SF3B4: variants seen among roughly 807,000 people sequenced by gnomAD.
SF3B4 encodes the protein SAP 49.
Under a neutral mutation model 34.3 loss-of-function variants are expected in SF3B4, and 3 were observed. The ratio of observed to expected loss-of-function variants is 0.09; its 90% CI spans 0.04 to 0.23. The LOEUF (loss-of-function observed/expected upper bound fraction) is 0.23. SF3B4 is among the 10% of genes least tolerant of loss of function. The pLI, the probability that SF3B4 is intolerant of heterozygous loss-of-function variation, is 1.00. For synonymous variants in SF3B4, 216 were observed against 207.8 expected (o/e 1.04, Z -0.34); for missense variants, 283 against 567.2 (o/e 0.50, Z 5.09).
rs199754113 is a variant in SF3B4 at position 149,927,784 on chromosome 1, C to T, written c.-25G>A. ...TGGCGAAAGAGATCCCGCCGTCTCCCAGCAGCGGTTCCGCCTTCTGACCTC... is the reference window on the plus strand; with the variant it reads ...TGGCGAAAGAGATCCCGCCGTCTCCTAGCAGCGGTTCCGCCTTCTGACCTC... On this transcript the variant is annotated 5_prime_UTR_variant, in exon 1 of 6. Coordinates refer to ENST00000271628, the MANE Select transcript of SF3B4 (RefSeq NM_005850.5). 536 of 1,552,076 alleles carry T rather than the reference C, an allele frequency of 3.5e-4. 2 individuals are homozygous for T. In the African/African-American group the frequency reaches 4.4e-3, roughly 13 times the overall value.
rs1559798668 is a variant in SF3B4, at chr1:149,926,311, T to C, written c.706+65A>G. ...TCCCCTGTCCCCCTTTCAGACTTGT[T>C]TTCTTCTTCCTCCTGACCCTCTCCC... On this transcript the variant is annotated intron_variant, in intron 3 of 5. Coordinates refer to ENST00000271628, the MANE Select transcript of SF3B4 (RefSeq NM_005850.5). The surrounding 1 kb of genome is among the most constrained non-coding windows in gnomAD (Gnocchi z 6.2). 8 of 1,441,024 alleles carry C rather than the reference T, an allele frequency of 5.6e-6. No homozygotes were observed. Among genetic ancestry groups the C allele is most frequent in the Non-Finnish European group, 7.6e-6 (8 of 1,058,672 alleles). The allele number at this position is 1,441,024 out of a possible 1,614,324, so 89.3% of individuals were successfully genotyped here. A position where few individuals can be genotyped will look rare whatever the true frequency, so the allele number is the denominator to read the frequency against.
Position 149,926,288 on chromosome 1 carries a change from C to T in SF3B4, c.706+88G>A, listed in dbSNP as rs12082922. On this transcript the variant is annotated intron_variant, in intron 3 of 5. Transcript: ENST00000271628. This position sits in a 1 kb window ranked among gnomAD's most constrained non-coding sequence, Gnocchi z 6.2. The stretch of plus-strand genomic sequence containing the variant: ...CCCATCAACTCACTGACTCAATGTC[C>T]CCTGTCCCCCTTTCAGACTTGTTTT... 1.1e-3 allele frequency: 1,254 copies of T among 1,191,264 alleles called. 17 individuals carry two copies. In the African/African-American group the frequency reaches 0.017, roughly 16 times the overall value. 73.8% of individuals were successfully genotyped at this position (1,191,264 alleles called of 1,614,324 possible). A position where few individuals can be genotyped will look rare whatever the true frequency, so the allele number is the denominator to read the frequency against.
At position 149,925,886 on chromosome 1, in the gene SF3B4, T is replaced by C. The variant is rs782151742; in HGVS notation, c.863A>G (p.His288Arg). 50 of 1,608,562 alleles carry C rather than the reference T, an allele frequency of 3.1e-5. No homozygotes were observed. The highest frequency in any genetic ancestry group is 4.2e-5 in the Non-Finnish European group (50 of 1,176,556). ...GAATGGGTGAGGATGTGAGTGTCCA[T>C]GACCAGGATGTCCTGCCCCTGGGGT... ...AGTPGAGHPGHGHSHPHPFPP... is the reference protein window; with the variant it reads ...AGTPGAGHPGRGHSHPHPFPP... The change falls in exon 4 of 6, where the codon CAT (histidine) becomes CGT (arginine). Residue 288 changes from histidine to arginine, a missense_variant. His to Arg is a conservative substitution (Grantham distance 29, BLOSUM62 0). Coordinates refer to ENST00000271628, the MANE Select transcript of SF3B4 (RefSeq NM_005850.5).
In SF3B4 at chr1:149,925,858, T is replaced by A; in HGVS notation, c.891A>T (p.Pro297=). ...GHGHSHPHPF[P]PGGMPHPGMS... is the part of the protein sequence containing the mutation. Reference sequence around the variant, plus strand: ...TACCTGGATGGGGCATCCCACCCGGTGGGAATGGGTGAGGATGTGAGTGTC... The same window carrying A: ...TACCTGGATGGGGCATCCCACCCGGAGGGAATGGGTGAGGATGTGAGTGTC... Residue 297 remains proline (P), a synonymous_variant, in exon 4 of 6, where the codon CCA becomes CCT. Transcript: ENST00000271628. 6.2e-7 allele frequency: 1 copy of A among 1,613,346 alleles called. No individual in the cohort carries two copies. Among genetic ancestry groups the A allele is most frequent in the Non-Finnish European group, 8.5e-7 (1 of 1,179,620 alleles).
In SF3B4 at chr1:149,926,391, C is replaced by G; in HGVS notation, c.691G>C (p.Gly231Arg). 6.2e-7 allele frequency: 1 copy of G among 1,606,828 alleles called. No homozygotes were observed. Among genetic ancestry groups the G allele is most frequent in the Non-Finnish European group, 8.5e-7 (1 of 1,174,268 alleles). The change falls in exon 3 of 6, where the codon GGG becomes CGG. Residue 231 changes from glycine (G) to arginine (R), a missense_variant. Coordinates refer to ENST00000271628, the MANE Select transcript of SF3B4 (RefSeq NM_005850.5). The surrounding 1 kb of genome is among the most constrained non-coding windows in gnomAD (Gnocchi z 6.2). The part of the protein sequence containing the change: ...PNPVVSSLGS[G>R]LPPPGMPPPG... The stretch of plus-strand genomic sequence containing the variant: ...AAAGCTTTACCTGGTGGAGGAAGCC[C>G]AGACCCCAATGATGATACCACAGGA...
chr1:149,923,674 G>C lies in SF3B4; in HGVS notation c.1143C>G (p.Pro381=). The stretch of plus-strand genomic sequence containing the variant: ...GTGGAGGGCCAGTGTATCCATGGGG[G>C]GGCATCAGTGGAGGAGGTCCACGCA... ...HGMRGPPPLM[P]PHGYTGPPRP... Residue 381 remains proline, a synonymous_variant, in exon 6 of 6, where the codon CCC becomes CCG. Transcript: ENST00000271628. 6.6e-7 allele frequency: 1 copy of C among 1,526,248 alleles called. No homozygotes were observed. Among genetic ancestry groups the C allele is most frequent in the Non-Finnish European group, 8.7e-7 (1 of 1,148,152 alleles). The allele number at this position is 1,526,248 out of a possible 1,614,324, so 94.5% of individuals were successfully genotyped here.
At chr1:149,925,392 T>G (rs2092583241) in intron 4 of SF3B4, among the ~76,000 whole-genome samples, 1 of 151,862 alleles carries the variant, frequency 6.6e-6, no homozygotes. Context: ...CAAGTAGACA[T>G]GAGTCTATCA....
intron 1 of SF3B4, 60 bp downstream of exon 1, chr1:149,927,666 G>A: frequency 6.5e-7 from 1 of 1,540,824 alleles, no homozygotes; most frequent in Non-Finnish European, 8.8e-7. Flanking sequence ...GACACTGCTG[G>A]CTGTAGTCGG....
In SF3B4 at chr1:149,926,268, C is replaced by G; in HGVS notation, c.706+108G>C. On this transcript the variant is annotated intron_variant, in intron 3 of 5. Coordinates refer to ENST00000271628, the MANE Select transcript of SF3B4 (RefSeq NM_005850.5). This position sits in a 1 kb window ranked among gnomAD's most constrained non-coding sequence, Gnocchi z 6.2. ...CATCACCCCTCAGTCCTCTTCCCAT[C>G]AACTCACTGACTCAATGTCCCCTGT... The G allele has an allele frequency of 9.9e-7, 1 of 1,014,100 alleles. No homozygotes were observed. The highest frequency in any genetic ancestry group is 1.4e-6 in the Non-Finnish European group (1 of 692,928). 62.8% of individuals were successfully genotyped at this position (1,014,100 alleles called of 1,614,324 possible).
rs373010695 is a variant in SF3B4, at chr1:149,927,717, T to C, written c.34+9A>G. On this transcript the variant is annotated intron_variant, in intron 1 of 5. Coordinates refer to ENST00000271628, the MANE Select transcript of SF3B4 (RefSeq NM_005850.5). ...CTGAGCCCATTCCAGACTTTCCCCC[T>C]CCAGTTACCCTGATTCCGCTCGGAG... 66 of 1,552,714 alleles carry C rather than the reference T, an allele frequency of 4.3e-5. No individual in the cohort carries two copies. The African/African-American group carries it at 8.5e-4, about 20-fold the overall frequency.
Position 149,923,605 on chromosome 1 carries a change from G to C in SF3B4, c.1212C>G (p.Pro404=), listed in dbSNP as rs782175667. 4.5e-6 allele frequency: 7 copies of C among 1,548,522 alleles called. No homozygotes were observed. Among genetic ancestry groups the C allele is most frequent in the Middle Eastern group, 1.7e-4 (1 of 5,842 alleles). Residue 404 remains proline, a synonymous_variant, in exon 6 of 6, where the codon CCC becomes CCG. Transcript: ENST00000271628. ...YGYQRGPLPP[P]RPTPRPPVPP... ...GAACTGGTGGCCGGGGAGTGGGTCT[G>C]GGTGGAGGGAGAGGCCCCCGCTGGT...
rs1302218378 is a variant in SF3B4, at chr1:149,923,558, C to T, written c.1259G>A (p.Gly420Asp). The change falls in exon 6 of 6, where the codon GGC becomes GAC. Residue 420 changes from glycine (G) to aspartate (D), a missense_variant. Transcript: ENST00000271628. ...PPVPPRGPLRGPLPQ is the reference protein window; with the variant it reads ...PPVPPRGPLRDPLPQ ...AATGTGAATTTACTGAGGGAGAGGG[C>T]CTCGAAGTGGGCCTCGAGGGGGAAC... 1 of 1,567,412 alleles carries T rather than the reference C, an allele frequency of 6.4e-7. No homozygotes were observed. The highest frequency in any genetic ancestry group is 8.6e-7 in the Non-Finnish European group (1 of 1,165,120).
At position 149,923,416 on chromosome 1, in the gene SF3B4, G is replaced by A; in HGVS notation, c.*126C>T. 1 of 678,150 alleles carries A rather than the reference G, an allele frequency of 1.5e-6. No individual in the cohort carries two copies. The highest frequency in any genetic ancestry group is 2.4e-6 in the Non-Finnish European group (1 of 415,728). 42.0% of individuals were successfully genotyped at this position (678,150 alleles called of 1,614,324 possible). A position where few individuals can be genotyped will look rare whatever the true frequency, so the allele number is the denominator to read the frequency against. On this transcript the variant is annotated 3_prime_UTR_variant, in exon 6 of 6. Coordinates refer to ENST00000271628, the MANE Select transcript of SF3B4 (RefSeq NM_005850.5). Reference sequence around the variant, plus strand: ...CCTGTGGAAAAAGTTACATTAAAAAGGGGAATGGAGTGGGGGTGCTGAAAG... The same window carrying A: ...CCTGTGGAAAAAGTTACATTAAAAAAGGGAATGGAGTGGGGGTGCTGAAAG...
chr1:149,925,522 CTAGA>C (rs1163815226), intron 4 of SF3B4: 5 of 335,068 alleles, frequency 1.5e-5, no homozygotes, highest in Non-Finnish European at 2.8e-5. Flanking sequence ...AGAGGTCAAA[CTAGA>C]TAAGGAGCAG....
At chr1:149,925,572 T>A in intron 4 of SF3B4, 1 of 415,926 alleles carries the variant, frequency 2.4e-6, no homozygotes, top group Non-Finnish European at 4.4e-6. Context: ...GGTCACCACT[T>A]TGAGGTGGAG....
Position 149,926,239 on chromosome 1 carries a change from C to T in SF3B4, c.706+137G>A. The T allele has an allele frequency of 1.2e-6, 1 of 816,644 alleles. No homozygotes were observed. The highest frequency in any genetic ancestry group is 2.7e-5 in the East Asian group (1 of 37,274). The allele number at this position is 816,644 out of a possible 1,614,324, so 50.6% of individuals were successfully genotyped here. ...AACCCAACAACTTTCTTCTTCACCA[C>T]TACCATCACCCCTCAGTCCTCTTCC... is the stretch of plus-strand genomic sequence containing the variant. On this transcript the variant is annotated intron_variant, in intron 3 of 5. Transcript: ENST00000271628. The surrounding 1 kb of genome is among the most constrained non-coding windows in gnomAD (Gnocchi z 6.2).
chr1:149,923,934 G>T lies in SF3B4; in HGVS notation c.994C>A (p.Gln332Lys). Residue 332 changes from glutamine (Q) to lysine (K), a missense_variant, in exon 5 of 6, where the codon CAG (glutamine) becomes AAG (lysine). Physicochemically the swap from Gln to Lys is moderately conservative, Grantham distance 53 (BLOSUM62 1). Coordinates refer to ENST00000271628, the MANE Select transcript of SF3B4 (RefSeq NM_005850.5). The stretch of plus-strand genomic sequence containing the variant: ...CCAGGTGGTGGTCGGGGCGGTGGCT[G>T]GCCCCCAGAGCCTGGGGGTCCAGCG... Reference protein sequence around the residue: ...PHAGPPGSGGQPPPRPPPGMP... With the variant: ...PHAGPPGSGGKPPPRPPPGMP... The T allele has an allele frequency of 2.5e-6, 4 of 1,595,556 alleles. No individual in the cohort carries two copies. Among genetic ancestry groups the T allele is most frequent in the Non-Finnish European group, 2.6e-6 (3 of 1,174,334 alleles).
chr1:149,926,951 TAAGTA>T lies in SF3B4; in HGVS notation c.164-38_164-34del, dbSNP rs782768573. ...AGTGGAGAAGAGGAGGTTAACAACG[TAAGTA>T]AAGAGACTGAAAATGGGGTAAAATT... On this transcript the variant is annotated intron_variant, in intron 2 of 5. Transcript: ENST00000271628. The surrounding 1 kb of genome is among the most constrained non-coding windows in gnomAD (Gnocchi z 6.2). The T allele has an allele frequency of 5.1e-6, 8 of 1,559,416 alleles. No homozygotes were observed. The highest frequency in any genetic ancestry group is 1.7e-4 in the Middle Eastern group (1 of 5,794).
At chr1:149,925,633 G>A in intron 4 of SF3B4, 3 of 643,256 alleles carry the variant, frequency 4.7e-6, no homozygotes, top group Non-Finnish European at 8.5e-6. Context: ...CTGGCAAGTA[G>A]AGTCTACTTG....
Sources: allele counts gnomAD v4.1 joint callset (sites outside exome capture counted in the v4.1 genomes callset), GRCh38; gene constraint gnomAD v4.1.1; non-coding constraint Gnocchi (gnomAD v3.1); transcripts MANE v1.5; gene names NCBI Gene and HGNC (gene_info 2026-07-23, HGNC 2026-07-21).